The following GOLGA3 variants were observed in gnomAD, a reference collection of about 807,000 sequenced individuals.
GOLGA3 encodes the protein golgin A3, also known as golgin subfamily A member 3.
In GOLGA3, 75 loss-of-function variants were observed where a neutral mutation model predicts 169.4. The observed-to-expected ratio is 0.44, with a 90% CI of 0.37 to 0.54. The LOEUF is 0.54. Among genes scored for constraint, GOLGA3 ranks in the 20% least tolerant of loss-of-function variants. GOLGA3 has a pLI of 0.00. For synonymous variants in GOLGA3, 824 were observed against 822.4 expected (o/e 1.00, Z -0.03); for missense variants, 1,899 against 1,930.0 (o/e 0.98, Z 0.30).
intron 4 of GOLGA3, among the ~76,000 whole-genome samples, chr12:132,810,916 G>A (rs550675669): frequency 4.6e-5 from 7 of 152,292 alleles, no homozygotes; most frequent in African/African-American, 1.4e-4. Context: ...TCCTGTACAC[G>A]TGGCTCTGCC....
intron 9 of GOLGA3, among the ~76,000 whole-genome samples, chr12:132,798,057 G>A (rs757431398): frequency 9.9e-5 from 15 of 151,994 alleles, no homozygotes; most frequent in Admixed American, 2.6e-4. Context: ...GAAAAGAGCC[G>A]CAAGTGCTCA....
intron 18 of GOLGA3, among the ~76,000 whole-genome samples, chr12:132,780,015 A>G (rs1289695572): frequency 5.0e-5 from 7 of 139,058 alleles, no homozygotes; most frequent in African/African-American, 1.1e-4. Context: ...ACACGTGCGC[A>G]CACACACCAC....
rs368885212 is a variant in GOLGA3, at chr12:132,777,817, G to A, written c.3583-12C>T. 6.2e-7 allele frequency: 1 copy of A among 1,612,948 alleles called. No individual in the cohort carries two copies. The highest frequency in any genetic ancestry group is 1.3e-5 in the African/African-American group (1 of 74,914). On this transcript the variant is annotated splice_polypyrimidine_tract_variant and intron_variant, in intron 18 of 23. Coordinates refer to ENST00000450791, the MANE Select transcript of GOLGA3 (RefSeq NM_001389683.1). The surrounding 1 kb of genome is among the most constrained non-coding windows in gnomAD (Gnocchi z 4.7). ...TTGGCAGCAGCCACCTAGGAGGAAG[G>A]AAGCCACGTTGTCCATGCCCTGCGT...
At chr12:132,784,705 CCA>C (rs947566957) in intron 15 of GOLGA3, among the ~76,000 whole-genome samples, 11 of 142,888 alleles carry the variant, frequency 7.7e-5, no homozygotes, top group African/African-American at 1.2e-4. Context: ...TGTTCACATC[CCA>C]CACACCACAC....
At chr12:132,773,432 G>GTTTTTT in intron 23 of GOLGA3, 138 bp from the exon 24 acceptor site, 1 of 451,692 alleles carries the variant, frequency 2.2e-6, no homozygotes, top group South Asian at 4.8e-5. Context: ...TGAGACCACA[G>GTTTTTT]AAGCTCAGCT....
In GOLGA3 at chr12:132,774,658, G is replaced by A. The variant is rs1465397357; in HGVS notation, c.4144-338C>T. The A allele has an allele frequency of 1.8e-5, 7 of 399,720 alleles. No homozygotes were observed. The South Asian group carries it at 2.5e-4, about 14-fold the overall frequency. 24.8% of individuals were successfully genotyped at this position (399,720 alleles called of 1,614,324 possible). A position where few individuals can be genotyped will look rare whatever the true frequency, so the allele number is the denominator to read the frequency against. Reference sequence around the variant, plus strand: ...AGACCTTGATGTGGAATTTCCGTAAGAAATTAAGTAAGTTTTCCAGCTTAG... The same window carrying A: ...AGACCTTGATGTGGAATTTCCGTAAAAAATTAAGTAAGTTTTCCAGCTTAG... On this transcript the variant is annotated intron_variant, in intron 22 of 23. Transcript: ENST00000450791.
In GOLGA3 at chr12:132,770,432, G is replaced by A. The variant is rs951417895; in HGVS notation, c.*2673C>T. The A allele has an allele frequency of 6.6e-6, 1 of 152,024 alleles. No homozygotes were observed. The highest frequency in any genetic ancestry group is 1.5e-5 in the Non-Finnish European group (1 of 68,012). 9.4% of individuals were successfully genotyped at this position (152,024 alleles called of 1,614,324 possible). ...TGGCACCGGCGACCACAGAGCGCTG[G>A]GGGAGGCATCGCACCCAAGGGCACA... On this transcript the variant is annotated 3_prime_UTR_variant, in exon 24 of 24. Transcript: ENST00000450791.
chr12:132,776,844 T>G, intron 20 of GOLGA3, 88 bp from the exon 21 acceptor site: 1 of 1,560,132 alleles, frequency 6.4e-7, no homozygotes, highest in Non-Finnish European at 8.7e-7. Context: ...TTGGTTTATC[T>G]TTTAATACCA....
Position 132,804,741 on chromosome 12 carries a change from C to T in GOLGA3, c.1572G>A (p.Arg524=), listed in dbSNP as rs1949306353. The T allele has an allele frequency of 1.2e-6, 2 of 1,613,944 alleles. No homozygotes were observed. Among genetic ancestry groups the T allele is most frequent in the South Asian group, 1.1e-5 (1 of 91,080 alleles). Residue 524 remains arginine, a synonymous_variant, in exon 7 of 24, where the codon AGG becomes AGA. Transcript: ENST00000450791. This position sits in a 1 kb window ranked among gnomAD's most constrained non-coding sequence, Gnocchi z 4.1. ...RLMAKVEDMQ[R]SMLSKDNTVH... is the part of the protein sequence containing the mutation. ...CTGTGTTGTCCTTGCTGAGCATGCT[C>T]CTCTGCATGTCCTCTACCTTGGCCA... is the stretch of plus-strand genomic sequence containing the variant.
chr12:132,775,077 C>A, intron 22 of GOLGA3, 64 bp downstream of exon 22: 2 of 1,427,388 alleles, frequency 1.4e-6, no homozygotes, highest in Non-Finnish European at 1.9e-6. Context: ...CGTCTGCCAG[C>A]CTCCTGTCCG....
At position 132,779,420 on chromosome 12, in the gene GOLGA3, T is replaced by G. The variant is rs113162683; in HGVS notation, c.3582+1378A>C. 5.0e-4 allele frequency among the ~76,000 whole-genome samples: 76 copies of G among 152,340 alleles called. 1 individual carries two copies. The highest frequency in any genetic ancestry group is 1.8e-3 in the African/African-American group (76 of 41,592). On this transcript the variant is annotated intron_variant, in intron 18 of 23. Coordinates refer to ENST00000450791, the MANE Select transcript of GOLGA3 (RefSeq NM_001389683.1). ...AATTAATTCTATTTATAAAGAAACT[T>G]TGTTGTTTCACCCCTTAAAAAAAAT...
chr12:132,808,897 C>G (rs1949558493), intron 4 of GOLGA3, among the ~76,000 whole-genome samples: 1 of 152,084 alleles, frequency 6.6e-6, no homozygotes, highest in Non-Finnish European at 1.5e-5. Flanking sequence ...CTGTGTGCGG[C>G]GACGAGAGTG....
At chr12:132,800,107 C>G (rs904140321) in intron 8 of GOLGA3, among the ~76,000 whole-genome samples, 1 of 152,188 alleles carries the variant, frequency 6.6e-6, no homozygotes, top group Non-Finnish European at 1.5e-5. Flanking sequence ...AAATGCACTG[C>G]AGCTGTAAAA....
At chr12:132,822,612 C>G (rs1003682817) in intron 1 of GOLGA3, among the ~76,000 whole-genome samples, 9 of 152,278 alleles carry the variant, frequency 5.9e-5, no homozygotes, top group African/African-American at 2.2e-4. Flanking sequence ...GGCAACTGAG[C>G]TTTAAATTTT....
rs1203881981 is a variant in GOLGA3, at chr12:132,770,193, A to G, written c.*2912T>C. ...GCTTGCAGTGAGCAGAGATCACGCC[A>G]CTGCACTCCAGCCTGGGCGACAGAG... On this transcript the variant is annotated 3_prime_UTR_variant, in exon 24 of 24. Coordinates refer to ENST00000450791, the MANE Select transcript of GOLGA3 (RefSeq NM_001389683.1). 6.6e-6 allele frequency: 1 copy of G among 150,622 alleles called. No homozygotes were observed. Among genetic ancestry groups the G allele is most frequent in the Non-Finnish European group, 1.5e-5 (1 of 67,870 alleles). 9.3% of individuals were successfully genotyped at this position (150,622 alleles called of 1,614,324 possible).
At chr12:132,811,239 T>C (rs529259839) in intron 4 of GOLGA3, among the ~76,000 whole-genome samples, 1 of 152,262 alleles carries the variant, frequency 6.6e-6, no homozygotes, top group South Asian at 2.1e-4. Context: ...CTTTGTCTTG[T>C]GTCTTTATTT....
chr12:132,777,920 G>C lies in GOLGA3; in HGVS notation c.3583-115C>G. ...CCCCGTGCATGTCCTGGCTGCCGGC[G>C]TGTGCTTCTCCACAGGCCTGTCAAG... On this transcript the variant is annotated intron_variant, in intron 18 of 23. Transcript: ENST00000450791. This position sits in a 1 kb window ranked among gnomAD's most constrained non-coding sequence, Gnocchi z 4.7. 1.7e-6 allele frequency: 2 copies of C among 1,161,224 alleles called. No individual in the cohort carries two copies. The highest frequency in any genetic ancestry group is 2.4e-6 in the Non-Finnish European group (2 of 832,470). 71.9% of individuals were successfully genotyped at this position (1,161,224 alleles called of 1,614,324 possible).
Position 132,780,920 on chromosome 12 carries a change from T to A in GOLGA3, c.3466-6A>T. On this transcript the variant is annotated splice_region_variant and splice_polypyrimidine_tract_variant and intron_variant, in intron 17 of 23. Transcript: ENST00000450791. ...CGCTGCAAAACTGCCTGCACCTAGA[T>A]CAGATTGCAGGAGGACAGATAAGGA... The A allele has an allele frequency of 6.2e-7, 1 of 1,603,716 alleles. No individual in the cohort carries two copies. The highest frequency in any genetic ancestry group is 8.5e-7 in the Non-Finnish European group (1 of 1,174,398).
At position 132,807,162 on chromosome 12, in the gene GOLGA3, T is replaced by C; in HGVS notation, c.1290+15A>G. 6.6e-7 allele frequency: 1 copy of C among 1,520,092 alleles called. No individual in the cohort carries two copies. The highest frequency in any genetic ancestry group is 9.1e-7 in the Non-Finnish European group (1 of 1,103,344). The allele number at this position is 1,520,092 out of a possible 1,614,324, so 94.2% of individuals were successfully genotyped here. The stretch of plus-strand genomic sequence containing the variant: ...ACTTCGCCGCACGCTGAGATGTCAG[T>C]CGAACGTCCGTTACCTGACTCGCCT... On this transcript the variant is annotated intron_variant, in intron 6 of 23. Transcript: ENST00000450791.
Sources: gnomAD v4.1 joint callset for allele counts (sites outside exome capture counted in the v4.1 genomes callset) on GRCh38, gnomAD v4.1.1 for gene constraint, Gnocchi (gnomAD v3.1) non-coding constraint, MANE v1.5 for transcripts, NCBI Gene and HGNC (gene_info 2026-07-23, HGNC 2026-07-21) for gene names.